B3GAT2: variants seen among roughly 807,000 people sequenced by gnomAD.
The protein encoded by B3GAT2 is galactosylgalactosylxylosylprotein 3-beta-glucuronosyltransferase 2.
B3GAT2 carries 26 observed loss-of-function variants against 27.8 expected under a neutral mutation model. The observed-to-expected ratio is 0.93, with a 90% CI of 0.68 to 1.30. B3GAT2 has a LOEUF of 1.30. Ranked by LOEUF, B3GAT2 falls within the 50% of genes most tolerant of loss-of-function variation. The probability of loss-of-function intolerance (pLI) is 0.00; values close to 1 mark genes in which losing one functional copy is unlikely to be tolerated. For missense variants in B3GAT2, 458 were observed against 459.0 expected (o/e 1.00, Z 0.02); for synonymous variants, 218 against 195.1 (o/e 1.12, Z -0.98).
chr6:70,931,297 C>G (rs184494630), intron 1 of B3GAT2, among the ~76,000 whole-genome samples: 1 of 151,764 alleles, frequency 6.6e-6, no homozygotes, highest in African/African-American at 2.4e-5. Context: ...CAAACCTGCA[C>G]GTTGTGCACA....
intron 1 of B3GAT2, among the ~76,000 whole-genome samples, chr6:70,936,534 A>G (rs1291881224): frequency 6.6e-6 from 1 of 152,168 alleles, no homozygotes; most frequent in Non-Finnish European, 1.5e-5. Flanking sequence ...GTAAAAGAAC[A>G]GAAATTATAA....
chr6:70,925,408 G>A lies in B3GAT2; in HGVS notation c.591+30431C>T, dbSNP rs145091442. Among the ~76,000 whole-genome samples, 92 of 152,310 alleles carry A rather than the reference G, an allele frequency of 6.0e-4. No individual in the cohort carries two copies. The East Asian group carries it at 0.016, about 26-fold the overall frequency. Reference sequence around the variant, plus strand: ...TTCCCTTTCCTAGCCAAGGGAAGCCGTGACAGATGGTACCTGGAAACTCGG... The same window carrying A: ...TTCCCTTTCCTAGCCAAGGGAAGCCATGACAGATGGTACCTGGAAACTCGG... On this transcript the variant is annotated intron_variant, in intron 1 of 3. Transcript: ENST00000230053.
chr6:70,950,326 A>G (rs973203556), intron 1 of B3GAT2, among the ~76,000 whole-genome samples: 7 of 152,088 alleles, frequency 4.6e-5, no homozygotes, highest in East Asian at 1.9e-4. Flanking sequence ...TAATACATTA[A>G]CAACAAAAAG....
chr6:70,865,318 A>G (rs1199291255), intron 2 of B3GAT2, among the ~76,000 whole-genome samples: 1 of 152,104 alleles, frequency 6.6e-6, no homozygotes, highest in Non-Finnish European at 1.5e-5. Context: ...GGGTTTCACT[A>G]TGTCGGCCAG....
At chr6:70,943,444 CTG>C (rs1196121946) in intron 1 of B3GAT2, among the ~76,000 whole-genome samples, 2 of 152,180 alleles carry the variant, frequency 1.3e-5, no homozygotes, top group Non-Finnish European at 2.9e-5. Flanking sequence ...CTCCTCTCCT[CTG>C]TTTCAATAAT....
At chr6:70,899,263 C>T (rs1359514907) in intron 1 of B3GAT2, among the ~76,000 whole-genome samples, 1 of 152,168 alleles carries the variant, frequency 6.6e-6, no homozygotes, top group African/African-American at 2.4e-5. Context: ...TTAGACTTTT[C>T]ATTTAAGCTG....
At chr6:70,921,531 A>G (rs2504745) in intron 1 of B3GAT2, among the ~76,000 whole-genome samples, 63,286 of 151,792 alleles carry the variant, frequency 0.42, 13,650 homozygotes, top group East Asian at 0.6. Context: ...GATTCCTTGG[A>G]TTGGGTTTCA....
At chr6:70,924,198 T>G (rs1270817144) in intron 1 of B3GAT2, among the ~76,000 whole-genome samples, 2 of 152,058 alleles carry the variant, frequency 1.3e-5, no homozygotes, top group Non-Finnish European at 2.9e-5. Context: ...ATAAATAAAC[T>G]TAACCAAGGA....
At chr6:70,939,621 ATCATTC>A (rs1314311362) in intron 1 of B3GAT2, among the ~76,000 whole-genome samples, 3 of 151,888 alleles carry the variant, frequency 2.0e-5, no homozygotes, top group Non-Finnish European at 2.9e-5. Context: ...ATTGGAAATC[ATCATTC>A]TCAGTAAACT....
chr6:70,904,863 G>A (rs934743129), intron 1 of B3GAT2, among the ~76,000 whole-genome samples: 4 of 152,064 alleles, frequency 2.6e-5, no homozygotes, highest in African/African-American at 9.7e-5. Flanking sequence ...GGAGGAAAAT[G>A]TGCCTTCACA....
chr6:70,892,658 C>G (rs1003062614), intron 2 of B3GAT2, among the ~76,000 whole-genome samples: 1 of 152,178 alleles, frequency 6.6e-6, no homozygotes, highest in African/African-American at 2.4e-5. Context: ...GTGGTCATCT[C>G]CGGCAGCTGC....
intron 2 of B3GAT2, among the ~76,000 whole-genome samples, chr6:70,879,542 G>A (rs1772066629): frequency 6.6e-6 from 1 of 152,008 alleles, no homozygotes; most frequent in Non-Finnish European, 1.5e-5. Flanking sequence ...AACTGCCAGG[G>A]ACTGGGGAGA....
intron 1 of B3GAT2, among the ~76,000 whole-genome samples, chr6:70,955,026 C>T (rs1433660508): frequency 1.3e-5 from 2 of 152,012 alleles, no homozygotes; most frequent in African/African-American, 2.4e-5. Flanking sequence ...GCAAAAGGCC[C>T]CGCCAAATGT....
chr6:70,891,229 G>T (rs1385153919), intron 2 of B3GAT2, among the ~76,000 whole-genome samples: 1 of 152,160 alleles, frequency 6.6e-6, no homozygotes, highest in East Asian at 1.9e-4. Context: ...TATGGCTACT[G>T]GTCAGCTTTG....
intron 1 of B3GAT2, among the ~76,000 whole-genome samples, chr6:70,915,702 CA>C (rs1247744061): frequency 3.3e-5 from 5 of 152,150 alleles, no homozygotes; most frequent in African/African-American, 1.2e-4. Flanking sequence ...TGTCAAATAT[CA>C]GATGGTTGTA....
intron 2 of B3GAT2, among the ~76,000 whole-genome samples, chr6:70,886,956 C>T (rs555132512): frequency 3.9e-5 from 6 of 152,284 alleles, no homozygotes; most frequent in African/African-American, 1.4e-4. Context: ...ACTGTACCAA[C>T]CCAAGGACAA....
chr6:70,941,682 C>G (rs4707869), intron 1 of B3GAT2, among the ~76,000 whole-genome samples: 73,515 of 152,030 alleles, frequency 0.48, 18,362 homozygotes, highest in East Asian at 0.69. Flanking sequence ...CTTAGACATA[C>G]AACACAGACT....
At chr6:70,873,455 C>T (rs981296010) in intron 2 of B3GAT2, among the ~76,000 whole-genome samples, 1 of 150,678 alleles carries the variant, frequency 6.6e-6, no homozygotes, top group Non-Finnish European at 1.5e-5. Context: ...TATTAAAGAG[C>T]CTTTGTTAAT....
intron 1 of B3GAT2, among the ~76,000 whole-genome samples, chr6:70,909,207 T>G (rs1197810037): frequency 1.3e-5 from 2 of 152,146 alleles, no homozygotes; most frequent in Non-Finnish European, 2.9e-5. Context: ...CACAGCAGTG[T>G]TTATGTAAAT....
Sources: allele counts gnomAD v4.1 joint callset (sites outside exome capture counted in the v4.1 genomes callset), GRCh38; gene constraint gnomAD v4.1.1; transcripts MANE v1.5; gene names NCBI Gene and HGNC (gene_info 2026-07-23, HGNC 2026-07-21).